PTPRD: variants seen among roughly 807,000 people sequenced by gnomAD.
PTPRD encodes the protein protein tyrosine phosphatase receptor type D, also known as receptor-type tyrosine-protein phosphatase delta.
A neutral mutation model predicts 214.5 loss-of-function variants in PTPRD; 34 were observed. That is an observed-to-expected ratio of 0.16 (90% CI 0.12 to 0.21). The LOEUF (loss-of-function observed/expected upper bound fraction) is 0.21. PTPRD is among the 10% of genes least tolerant of loss of function. PTPRD has a pLI of 1.00. For missense variants in PTPRD, 2,545 were observed against 2,398.7 expected (o/e 1.06, Z -1.27); for synonymous variants, 1,128 against 845.7 (o/e 1.33, Z -5.79).
chr9:10,262,273 T>C (rs867199776), intron 3 of PTPRD, among the ~76,000 whole-genome samples: 3 of 152,140 alleles, frequency 2.0e-5, no homozygotes, highest in African/African-American at 4.8e-5. Context: ...AACTATAAAA[T>C]AGGATAATTA....
chr9:10,177,192 T>C (rs1564339545), intron 3 of PTPRD, among the ~76,000 whole-genome samples: 2 of 151,916 alleles, frequency 1.3e-5, no homozygotes, highest in Admixed American at 6.6e-5. Context: ...TTCCTGCATT[T>C]AAACTCAGTC....
chr9:8,622,915 G>T (rs2095866388), intron 14 of PTPRD, among the ~76,000 whole-genome samples: 1 of 151,512 alleles, frequency 6.6e-6, no homozygotes, highest in Non-Finnish European at 1.5e-5. Flanking sequence ...GAGGTGGGAG[G>T]ATCGCTTAAG....
At chr9:9,083,446 T>G (rs1452206477) in intron 10 of PTPRD, among the ~76,000 whole-genome samples, 1 of 151,792 alleles carries the variant, frequency 6.6e-6, no homozygotes, top group Non-Finnish European at 1.5e-5. Context: ...ATACTATAAA[T>G]CTCCTAGAAG....
intron 10 of PTPRD, among the ~76,000 whole-genome samples, chr9:9,030,253 G>C (rs1288843868): frequency 7.6e-6 from 1 of 131,006 alleles, no homozygotes; most frequent in African/African-American, 2.9e-5. Flanking sequence ...TAGTGCCTTT[G>C]GATCACATGG....
At chr9:8,833,213 C>G (rs764657887) in intron 11 of PTPRD, among the ~76,000 whole-genome samples, 1 of 152,064 alleles carries the variant, frequency 6.6e-6, no homozygotes, top group Non-Finnish European at 1.5e-5. Context: ...GAAGACCTTG[C>G]TAATGAAATA....
At chr9:8,574,510 T>C (rs557906967) in intron 14 of PTPRD, among the ~76,000 whole-genome samples, 61 of 152,140 alleles carry the variant, frequency 4.0e-4, no homozygotes, top group African/African-American at 1.4e-3. Context: ...AAGCACTGTA[T>C]CTCAGCAGCT....
intron 14 of PTPRD, among the ~76,000 whole-genome samples, chr9:8,609,643 A>C (rs2095368734): frequency 6.6e-6 from 1 of 152,220 alleles, no homozygotes; most frequent in African/African-American, 2.4e-5. Context: ...GAGTAAAATT[A>C]AATAAAAATT....
chr9:9,384,564 CA>C (rs2063321764), intron 9 of PTPRD, among the ~76,000 whole-genome samples: 1 of 151,358 alleles, frequency 6.6e-6, no homozygotes. Flanking sequence ...GCACTTGTAA[CA>C]ACTTTTCTAA....
chr9:9,292,367 A>G (rs959896176), intron 9 of PTPRD, among the ~76,000 whole-genome samples: 2 of 151,406 alleles, frequency 1.3e-5, no homozygotes, highest in African/African-American at 4.8e-5. Context: ...AAGATTTCCC[A>G]TTTACCATTA....
chr9:9,013,049 G>T (rs1396370828), intron 11 of PTPRD, among the ~76,000 whole-genome samples: 1 of 152,060 alleles, frequency 6.6e-6, no homozygotes, highest in Non-Finnish European at 1.5e-5. Flanking sequence ...GACGTTAAAG[G>T]GGGGGATGCA....
intron 8 of PTPRD, among the ~76,000 whole-genome samples, chr9:9,494,354 G>T (rs1219810956): frequency 1.3e-5 from 2 of 152,180 alleles, no homozygotes; most frequent in African/African-American, 4.8e-5. Context: ...ATATCAAACA[G>T]CATTGCATAG....
intron 4 of PTPRD, among the ~76,000 whole-genome samples, chr9:10,023,021 C>T (rs970517210): frequency 6.6e-6 from 1 of 152,068 alleles, no homozygotes; most frequent in Non-Finnish European, 1.5e-5. Flanking sequence ...CGCATATATT[C>T]TTTGTCCAAC....
intron 8 of PTPRD, among the ~76,000 whole-genome samples, chr9:9,412,937 C>A (rs893824969): frequency 6.6e-6 from 1 of 151,862 alleles, no homozygotes; most frequent in Non-Finnish European, 1.5e-5. Flanking sequence ...GAGGAAAGAT[C>A]AATGGAGGGA....
At chr9:9,489,612 A>G (rs530030705) in intron 8 of PTPRD, among the ~76,000 whole-genome samples, 2 of 152,236 alleles carry the variant, frequency 1.3e-5, no homozygotes, top group African/African-American at 4.8e-5. Flanking sequence ...GAAAACTATA[A>G]TAATGAAAAT....
intron 8 of PTPRD, among the ~76,000 whole-genome samples, chr9:9,483,806 A>G (rs1476219952): frequency 6.7e-6 from 1 of 150,088 alleles, no homozygotes; most frequent in Non-Finnish European, 1.5e-5. Context: ...AAGTCATGCT[A>G]TAATCCTCTC....
intron 3 of PTPRD, among the ~76,000 whole-genome samples, chr9:10,182,098 CAAA>C (rs34271343): frequency 8.3e-6 from 1 of 120,986 alleles, no homozygotes. Context: ...ACTAAAAATA[CAAA>C]AAAAAAAAAA....
At chr9:8,826,643 T>TTTC (rs1020081187) in intron 11 of PTPRD, among the ~76,000 whole-genome samples, 11 of 151,822 alleles carry the variant, frequency 7.2e-5, no homozygotes, top group Non-Finnish European at 1.5e-4. Flanking sequence ...TTTTTTTTTT[T>TTTC]TTCTATATAG....
intron 7 of PTPRD, among the ~76,000 whole-genome samples, chr9:9,693,310 G>A (rs1009615218): frequency 2.0e-5 from 3 of 152,062 alleles, no homozygotes; most frequent in African/African-American, 2.4e-5. Context: ...ATGGTTTCCC[G>A]CATAATGTTC....
chr9:9,015,182 T>A (rs1256479065), intron 11 of PTPRD, among the ~76,000 whole-genome samples: 1 of 152,136 alleles, frequency 6.6e-6, no homozygotes, highest in East Asian at 1.9e-4. Context: ...AGCAACTCCA[T>A]CTTGAATGGG....
Sources: allele counts gnomAD v4.1 joint callset (sites outside exome capture counted in the v4.1 genomes callset), GRCh38; gene constraint gnomAD v4.1.1; transcripts MANE v1.5; gene names NCBI Gene and HGNC (gene_info 2026-07-23, HGNC 2026-07-21).